Variants in RETREG1 observed in about 807,000 individuals in gnomAD.
RETREG1 encodes the protein family with sequence similarity 134 member B.
Under a neutral mutation model 54.8 loss-of-function variants are expected in RETREG1, and 44 were observed. The ratio of observed to expected loss-of-function variants is 0.80; its 90% CI spans 0.63 to 1.03. The LOEUF is 1.03. RETREG1 is among the 50% of genes least tolerant of loss of function. The probability of loss-of-function intolerance (pLI) is 0.00; values close to 1 mark genes in which losing one functional copy is unlikely to be tolerated. For synonymous variants in RETREG1, 217 were observed against 238.5 expected (o/e 0.91, Z 0.83); for missense variants, 554 against 605.1 (o/e 0.92, Z 0.89).
chr5:16,557,030 A>G (rs1189009450), intron 3 of RETREG1, among the ~76,000 whole-genome samples: 2 of 152,178 alleles, frequency 1.3e-5, no homozygotes, highest in East Asian at 1.9e-4. Context: ...GGGTTTCACC[A>G]TGTTGCCTAG....
chr5:16,616,762 C>G lies in RETREG1; in HGVS notation c.210G>C (p.Trp70Cys). 6.4e-7 allele frequency: 1 copy of G among 1,558,706 alleles called. No individual in the cohort carries two copies. Among genetic ancestry groups the G allele is most frequent in the Admixed American group, 1.8e-5 (1 of 54,690 alleles). Residue 70 changes from tryptophan (W) to cysteine (C), a missense_variant, in exon 1 of 9, where the codon TGG becomes TGC. This residue lies in a region of RETREG1 where 175 missense variants were observed against 142.1 expected (regional missense o/e 1.23). Transcript: ENST00000306320. ...GCCACAGCACCGGCTCCCCGAGCAG[C>G]CAGGTTACCGCGGCCGCCGCCCGGC... Reference protein sequence around the residue: ...AAGRAAAAVTWLLGEPVLWLG... With the variant: ...AAGRAAAAVTCLLGEPVLWLG...
intron 3 of RETREG1, among the ~76,000 whole-genome samples, chr5:16,519,075 A>T (rs895828685): frequency 3.3e-5 from 5 of 152,204 alleles, no homozygotes; most frequent in Non-Finnish European, 7.3e-5. Context: ...CAAAAATCAA[A>T]GGATCAAATG....
intron 7 of RETREG1, 76 bp from the exon 8 acceptor site, chr5:16,477,864 C>A: frequency 1.9e-6 from 3 of 1,559,314 alleles, no homozygotes; most frequent in Non-Finnish European, 2.6e-6. Flanking sequence ...CCATATGAAC[C>A]CCCAAAATGA....
At chr5:16,558,632 T>C (rs6554932) in intron 3 of RETREG1, among the ~76,000 whole-genome samples, 6,207 of 152,272 alleles carry the variant, frequency 0.041, 391 homozygotes, top group African/African-American at 0.14. Context: ...AGTCTTACTG[T>C]ACAAGTTACA....
Position 16,587,118 on chromosome 5 carries a change from G to A in RETREG1, c.321-15016C>T, listed in dbSNP as rs146747316. ...CTCAGTCCTTTGCAACTGGGAATAA[G>A]GCATAGTGATAGGTGCTGAAAAGGC... On this transcript the variant is annotated intron_variant, in intron 1 of 8. Coordinates refer to ENST00000306320, the MANE Select transcript of RETREG1 (RefSeq NM_001034850.3). Among the ~76,000 whole-genome samples, 89 of 152,302 alleles carry A rather than the reference G, an allele frequency of 5.8e-4. 1 individual carries two copies. In the East Asian group the frequency reaches 0.016, roughly 27 times the overall value.
intron 4 of RETREG1, 74 bp downstream of exon 4, chr5:16,483,272 G>A: frequency 6.6e-7 from 1 of 1,518,652 alleles, no homozygotes; most frequent in Non-Finnish European, 9.1e-7. Flanking sequence ...CTGACAAGCT[G>A]ATAAAATAGG....
chr5:16,602,630 G>C (rs772394020), intron 1 of RETREG1, among the ~76,000 whole-genome samples: 36 of 152,130 alleles, frequency 2.4e-4, no homozygotes, highest in Non-Finnish European at 4.6e-4. Context: ...CAAGGGAAGG[G>C]GGATGAGAAG....
At chr5:16,577,915 G>C (rs921068706) in intron 1 of RETREG1, among the ~76,000 whole-genome samples, 10 of 152,194 alleles carry the variant, frequency 6.6e-5, no homozygotes, top group African/African-American at 2.4e-4. Context: ...TCAGCCACGT[G>C]GAACTGTGAG....
At chr5:16,540,129 T>C (rs1326782822) in intron 3 of RETREG1, among the ~76,000 whole-genome samples, 1 of 152,200 alleles carries the variant, frequency 6.6e-6, no homozygotes, top group African/African-American at 2.4e-5. Flanking sequence ...GAACCCTTTT[T>C]GATGGAGATC....
intron 2 of RETREG1, among the ~76,000 whole-genome samples, chr5:16,566,146 C>T (rs901487176): frequency 6.6e-6 from 1 of 152,098 alleles, no homozygotes; most frequent in Non-Finnish European, 1.5e-5. Flanking sequence ...GAACTAACTA[C>T]ACAAGAGGGA....
At chr5:16,605,279 A>G (rs932083445) in intron 1 of RETREG1, among the ~76,000 whole-genome samples, 1 of 152,186 alleles carries the variant, frequency 6.6e-6, no homozygotes, top group African/African-American at 2.4e-5. Flanking sequence ...CTTGCCACTT[A>G]GACTACAGGT....
At chr5:16,580,731 T>C (rs890069772) in intron 1 of RETREG1, among the ~76,000 whole-genome samples, 2 of 152,084 alleles carry the variant, frequency 1.3e-5, no homozygotes, top group African/African-American at 4.8e-5. Flanking sequence ...GGCAGGGCGA[T>C]CGAGTACAGA....
At chr5:16,529,631 C>G (rs766208190) in intron 3 of RETREG1, among the ~76,000 whole-genome samples, 1 of 152,086 alleles carries the variant, frequency 6.6e-6, no homozygotes, top group African/African-American at 2.4e-5. Flanking sequence ...ACTGTCCCAC[C>G]GAAGACACAC....
chr5:16,606,484 G>A (rs1030476370), intron 1 of RETREG1, among the ~76,000 whole-genome samples: 1 of 152,142 alleles, frequency 6.6e-6, no homozygotes, highest in African/African-American at 2.4e-5. Flanking sequence ...TCACTGTAGT[G>A]ACACGTGGAT....
At chr5:16,587,035 C>T (rs1579710087) in intron 1 of RETREG1, among the ~76,000 whole-genome samples, 1 of 152,314 alleles carries the variant, frequency 6.6e-6, no homozygotes. Flanking sequence ...CCAAAGGCTT[C>T]CTCTCATCAC....
At position 16,561,917 on chromosome 5, in the gene RETREG1, C is replaced by G. The variant is rs1741866603; in HGVS notation, c.458+3846G>C. 6.6e-6 allele frequency among the ~76,000 whole-genome samples: 1 copy of G among 152,148 alleles called. No homozygotes were observed. The highest frequency in any genetic ancestry group is 1.5e-5 in the Non-Finnish European group (1 of 68,028). ...AGAGCATGGAGTGCTTTTTCAAATC[C>G]ACTGAAATTACCCTAGCTCAGCTTG... On this transcript the variant is annotated intron_variant, in intron 3 of 8. Coordinates refer to ENST00000306320, the MANE Select transcript of RETREG1 (RefSeq NM_001034850.3). The surrounding 1 kb of genome is among the most constrained non-coding windows in gnomAD (Gnocchi z 4.2).
chr5:16,479,513 A>G (rs1254455573), intron 5 of RETREG1, among the ~76,000 whole-genome samples: 1 of 152,130 alleles, frequency 6.6e-6, no homozygotes, highest in African/African-American at 2.4e-5. Context: ...CATAAATGAA[A>G]TCAATGCAAA....
In RETREG1 at chr5:16,565,932, G is replaced by A; in HGVS notation, c.428-139C>T. The A allele has an allele frequency of 4.5e-6, 4 of 889,666 alleles. 1 individual carries two copies. The highest frequency in any genetic ancestry group is 2.0e-5 in the Admixed American group (1 of 49,796). 55.1% of individuals were successfully genotyped at this position (889,666 alleles called of 1,614,324 possible). ...ACTCAGGACACCATCAAGTCATACA[G>A]TGTACACTGCTGGCACCATGGCTAA... On this transcript the variant is annotated intron_variant, in intron 2 of 8. Coordinates refer to ENST00000306320, the MANE Select transcript of RETREG1 (RefSeq NM_001034850.3).
At chr5:16,578,124 G>C (rs189879807) in intron 1 of RETREG1, among the ~76,000 whole-genome samples, 1 of 152,090 alleles carries the variant, frequency 6.6e-6, no homozygotes, top group Admixed American at 6.5e-5. Flanking sequence ...TATTCAGGTC[G>C]CCTCTCAGGT....
Sources: allele counts gnomAD v4.1 joint callset (sites outside exome capture counted in the v4.1 genomes callset), GRCh38; gene constraint gnomAD v4.1.1; regional missense constraint gnomAD v4.1.1; non-coding constraint Gnocchi (gnomAD v3.1); transcripts MANE v1.5; gene names NCBI Gene and HGNC (gene_info 2026-07-23, HGNC 2026-07-21).